Variants in DYNC2H1 observed in about 807,000 individuals in gnomAD.
The protein encoded by DYNC2H1 is cytoplasmic dynein 2 heavy chain 1.
A neutral mutation model predicts 570.0 loss-of-function variants in DYNC2H1; 410 were observed. That is an observed-to-expected ratio of 0.72 (90% CI 0.66 to 0.78). The LOEUF is 0.78. Ranked by LOEUF, DYNC2H1 falls within the 30% of genes least tolerant of loss-of-function variation. The pLI is 0.00. For missense variants in DYNC2H1, 4,865 were observed against 5,046.4 expected (o/e 0.96, Z 1.09); for synonymous variants, 1,688 against 1,677.6 (o/e 1.01, Z -0.15).
At chr11:103,309,401 C>T (rs1867468110) in intron 78 of DYNC2H1, among the ~76,000 whole-genome samples, 1 of 148,114 alleles carries the variant, frequency 6.8e-6, no homozygotes, top group African/African-American at 2.5e-5. Flanking sequence ...AACTATGTTG[C>T]CGAGGCTGGT....
chr11:103,171,049 G>A lies in DYNC2H1; in HGVS notation c.5315G>A (p.Cys1772Tyr), dbSNP rs758398485. The stretch of plus-strand genomic sequence containing the variant: ...GCTTTGAAGAATCATAGAACTGTAT[G>A]TGAACTGCTTGGCAAGGAGGTATAG... ...QDALKNHRTVCELLGKEVEVN... is the reference protein window; with the variant it reads ...QDALKNHRTVYELLGKEVEVN... Residue 1772 changes from cysteine to tyrosine, a missense_variant, in exon 34 of 89, where the codon TGT becomes TAT. Physicochemically the swap from Cys to Tyr is radical, Grantham distance 194. Around this residue, in one of 5 missense-constraint regions of DYNC2H1, gnomAD observed 292 missense variants for 300.2 expected, o/e 0.97. Transcript: ENST00000375735. 2.5e-5 allele frequency: 40 copies of A among 1,600,938 alleles called. No homozygotes were observed. The highest frequency in any genetic ancestry group is 5.0e-5 in the Admixed American group (3 of 59,582).
intron 45 of DYNC2H1, among the ~76,000 whole-genome samples, chr11:103,190,751 A>G (rs1862269442): frequency 6.6e-6 from 1 of 152,078 alleles, no homozygotes; most frequent in South Asian, 2.1e-4. Flanking sequence ...CATAGAGAGG[A>G]AGGGACAGGC....
intron 82 of DYNC2H1, among the ~76,000 whole-genome samples, chr11:103,339,288 G>A (rs1939318762): frequency 6.6e-6 from 1 of 152,138 alleles, no homozygotes; most frequent in Non-Finnish European, 1.5e-5. Flanking sequence ...AGGCCTTCCA[G>A]ATCAGTGCAG....
chr11:103,162,967 A>C (rs1171323397), intron 29 of DYNC2H1, 61 bp from the exon 30 acceptor site: 2 of 1,433,480 alleles, frequency 1.4e-6, no homozygotes, highest in Non-Finnish European at 9.6e-7. Flanking sequence ...TATGTCTTAT[A>C]TATATTATTT....
At position 103,324,307 on chromosome 11, in the gene DYNC2H1, G is replaced by A. The variant is rs72975677; in HGVS notation, c.12039+317G>A. Among the ~76,000 whole-genome samples, 7,951 of 151,894 alleles carry A rather than the reference G, an allele frequency of 0.052. 262 individuals carry two copies. The highest frequency in any genetic ancestry group is 0.076 in the Non-Finnish European group (5,174 of 67,936). On this transcript the variant is annotated intron_variant, in intron 82 of 88. Coordinates refer to ENST00000375735, the MANE Select transcript of DYNC2H1 (RefSeq NM_001377.3). This position sits in a 1 kb window ranked among gnomAD's most constrained non-coding sequence, Gnocchi z 5.2. ...TATAGTGCCCAACAGGTAATTTTTC[G>A]ATCCTCCCTCTCCTCTCACCCTCCA...
intron 78 of DYNC2H1, among the ~76,000 whole-genome samples, chr11:103,310,848 A>G (rs1463439539): frequency 6.6e-6 from 1 of 150,728 alleles, no homozygotes; most frequent in East Asian, 1.9e-4. Flanking sequence ...GCACCACCAC[A>G]CCTGGCTAAT....
chr11:103,416,444 T>C (rs1330644049), intron 84 of DYNC2H1, among the ~76,000 whole-genome samples: 2 of 152,148 alleles, frequency 1.3e-5, no homozygotes, highest in Non-Finnish European at 2.9e-5. Context: ...ACTACAAGGC[T>C]ACAGTAACCA....
At chr11:103,214,402 C>T (rs1013316547) in intron 54 of DYNC2H1, among the ~76,000 whole-genome samples, 25 of 150,148 alleles carry the variant, frequency 1.7e-4, no homozygotes, top group African/African-American at 5.9e-4. Flanking sequence ...CTGTAGATTG[C>T]TCTGAGTAGT....
intron 87 of DYNC2H1, among the ~76,000 whole-genome samples, chr11:103,462,613 A>G (rs1565621210): frequency 6.6e-6 from 1 of 152,160 alleles, no homozygotes; most frequent in East Asian, 1.9e-4. Context: ...AGTTACCTGG[A>G]TATTATGAAA....
intron 36 of DYNC2H1, among the ~76,000 whole-genome samples, chr11:103,174,704 G>A (rs748749906): frequency 3.9e-5 from 6 of 152,200 alleles, no homozygotes; most frequent in East Asian, 3.9e-4. Context: ...AAAGAATACC[G>A]CAGAGGTGGA....
intron 82 of DYNC2H1, among the ~76,000 whole-genome samples, chr11:103,339,744 T>G (rs1939347643): frequency 6.6e-6 from 1 of 152,216 alleles, no homozygotes; most frequent in African/African-American, 2.4e-5. Context: ...GCCCAAGTAC[T>G]ATAGTTGCTG....
Position 103,282,104 on chromosome 11 carries a change from A to C in DYNC2H1, c.10762-75A>C, listed in dbSNP as rs576931557. ...AGAAAAATGCATTTTAAGCCATCTTATAAGGAAAGTTAGACAATTTTGTTA... is the reference window on the plus strand; with the variant it reads ...AGAAAAATGCATTTTAAGCCATCTTCTAAGGAAAGTTAGACAATTTTGTTA... On this transcript the variant is annotated intron_variant, in intron 71 of 88. Transcript: ENST00000375735. The C allele has an allele frequency of 2.2e-4, 301 of 1,380,242 alleles. 2 individuals are homozygous for C. The highest frequency in any genetic ancestry group is 5.4e-4 in the Middle Eastern group (3 of 5,550). The allele number at this position is 1,380,242 out of a possible 1,614,324, so 85.5% of individuals were successfully genotyped here.
At chr11:103,460,342 C>G (rs1244154271) in intron 87 of DYNC2H1, among the ~76,000 whole-genome samples, 3 of 151,854 alleles carry the variant, frequency 2.0e-5, no homozygotes, top group Non-Finnish European at 4.4e-5. Context: ...GTATAATAAG[C>G]AAGGGAAACC....
Position 103,143,385 on chromosome 11 carries a change from C to A in DYNC2H1, c.2692C>A (p.Arg898=), listed in dbSNP as rs1007294927. ...AAAAATAAAGGGGAAAGAAGTAGAA[C>A]GACTTCCAAGGTATTGGAGGTTAAT... The part of the protein sequence containing the change: ...ALKIKGKEVE[R]LPSAVKVDCL... The change falls in exon 18 of 89, where the codon CGA becomes AGA. Residue 898 remains arginine (R), a synonymous_variant. Transcript: ENST00000375735. 1 of 1,609,714 alleles carries A rather than the reference C, an allele frequency of 6.2e-7. No homozygotes were observed. The highest frequency in any genetic ancestry group is 2.2e-5 in the East Asian group (1 of 44,710).
At chr11:103,403,072 T>A (rs1395534031) in intron 84 of DYNC2H1, 3 of 152,132 alleles carry the variant, frequency 2.0e-5, no homozygotes, top group African/African-American at 4.8e-5. Flanking sequence ...ATCAGGTTTG[T>A]CCTTTAATGT....
At chr11:103,292,554 T>C (rs1866659327) in intron 75 of DYNC2H1, among the ~76,000 whole-genome samples, 1 of 152,192 alleles carries the variant, frequency 6.6e-6, no homozygotes, top group Admixed American at 6.5e-5. Flanking sequence ...TGAATATACG[T>C]CCCTAGCAAA....
rs775350138 is a variant in DYNC2H1, at chr11:103,304,649, G to T, written c.11311G>T (p.Ala3771Ser). The change falls in exon 77 of 89, where the codon GCC (alanine) becomes TCC (serine). Residue 3771 changes from alanine to serine, a missense_variant. By Grantham distance (99) the Ala-to-Ser change is moderately conservative. Transcript: ENST00000375735. ...AGCAATTCAAATGCTAAAAGAATGT[G>T]CCCGCAATGGAGACTGGCTCTGTTT... is the stretch of plus-strand genomic sequence containing the variant. Reference protein sequence around the residue: ...DLAIQMLKECARNGDWLCLKN... With the variant: ...DLAIQMLKECSRNGDWLCLKN... 2 of 1,613,364 alleles carry T rather than the reference G, an allele frequency of 1.2e-6. No individual in the cohort carries two copies. Among genetic ancestry groups the T allele is most frequent in the South Asian group, 1.1e-5 (1 of 91,046 alleles).
In DYNC2H1 at chr11:103,121,398, T is replaced by C; in HGVS notation, c.1387T>C (p.Cys463Arg). 1 of 1,612,558 alleles carries C rather than the reference T, an allele frequency of 6.2e-7. No individual in the cohort carries two copies. Among genetic ancestry groups the C allele is most frequent in the Non-Finnish European group, 8.5e-7 (1 of 1,179,266 alleles). The change falls in exon 10 of 89, where the codon TGC (cysteine) becomes CGC (arginine). Residue 463 changes from cysteine (C) to arginine (R), a missense_variant. Physicochemically the swap from Cys to Arg is radical, Grantham distance 180 (BLOSUM62 -3). This residue lies in a region of DYNC2H1 where 1,936 missense variants were observed against 1,962.1 expected (regional missense o/e 0.99). Transcript: ENST00000375735. The stretch of plus-strand genomic sequence containing the variant: ...TTTTCGATTAGACTTTGAGAATCGG[T>C]GCCGAGGAATTCCTGGTGATGCATC... ...KDFRLDFENRCRGIPGDASGP... is the reference protein window; with the variant it reads ...KDFRLDFENRRRGIPGDASGP...
chr11:103,304,989 T>A (rs1434221815), intron 77 of DYNC2H1, among the ~76,000 whole-genome samples: 2 of 152,204 alleles, frequency 1.3e-5, no homozygotes, highest in Non-Finnish European at 2.9e-5. Flanking sequence ...GACATATTTA[T>A]ACCATGAGTT....
Sources: gnomAD v4.1 joint callset for allele counts (sites outside exome capture counted in the v4.1 genomes callset) on GRCh38, gnomAD v4.1.1 for gene constraint, gnomAD v4.1.1 regional missense constraint, Gnocchi (gnomAD v3.1) non-coding constraint, MANE v1.5 for transcripts, NCBI Gene and HGNC (gene_info 2026-07-23, HGNC 2026-07-21) for gene names.